The following AFAP1 variants were observed in gnomAD, a reference collection of about 807,000 sequenced individuals.
The protein encoded by AFAP1 is actin filament-associated protein 1.
In AFAP1, 75 loss-of-function variants were observed where a neutral mutation model predicts 93.9. The ratio of observed to expected loss-of-function variants is 0.80; its 90% CI spans 0.66 to 0.97. AFAP1 has a LOEUF of 0.97. AFAP1 is among the 50% of genes least tolerant of loss of function. The pLI, the probability that AFAP1 is intolerant of heterozygous loss-of-function variation, is 0.00. For missense variants in AFAP1, 1,201 were observed against 1,050.8 expected (o/e 1.14, Z -1.98); for synonymous variants, 517 against 430.7 (o/e 1.20, Z -2.48).
intron 6 of AFAP1, among the ~76,000 whole-genome samples, chr4:7,828,322 A>G (rs1042259410): frequency 2.0e-5 from 3 of 152,196 alleles, no homozygotes; most frequent in Non-Finnish European, 4.4e-5. Flanking sequence ...CTGATGAGAA[A>G]AGGAAAGCAG....
intron 6 of AFAP1, among the ~76,000 whole-genome samples, chr4:7,822,457 C>T (rs148963313): frequency 6.2e-4 from 95 of 152,244 alleles, no homozygotes; most frequent in African/African-American, 2.1e-3. Context: ...ATTATACAAA[C>T]GCACCTGACA....
At chr4:7,928,248 G>A (rs945810727) in intron 1 of AFAP1, among the ~76,000 whole-genome samples, 7 of 152,184 alleles carry the variant, frequency 4.6e-5, no homozygotes, top group Admixed American at 2.0e-4. Context: ...GAGAAAGCAG[G>A]TGCAAATTTC....
At chr4:7,856,708 G>A (rs1315169886) in intron 3 of AFAP1, among the ~76,000 whole-genome samples, 2 of 152,090 alleles carry the variant, frequency 1.3e-5, no homozygotes, top group Non-Finnish European at 2.9e-5. Flanking sequence ...TGTTCCTGAC[G>A]GCTCTAATCC....
chr4:7,839,931 A>G (rs145436831), intron 5 of AFAP1, among the ~76,000 whole-genome samples: 138 of 152,228 alleles, frequency 9.1e-4, no homozygotes, highest in Non-Finnish European at 1.2e-3. Flanking sequence ...AGTTATTGTT[A>G]TTATTATTTT....
At chr4:7,767,704 A>G (rs1714803079) in intron 17 of AFAP1, among the ~76,000 whole-genome samples, 1 of 152,128 alleles carries the variant, frequency 6.6e-6, no homozygotes, top group Non-Finnish European at 1.5e-5. Context: ...CACCCCAGAG[A>G]GCACAGCAGG....
intron 5 of AFAP1, among the ~76,000 whole-genome samples, chr4:7,840,371 T>C (rs1712870161): frequency 6.6e-6 from 1 of 151,950 alleles, no homozygotes. Context: ...TGAAGTTCAG[T>C]GGCACGATCT....
chr4:7,799,206 G>T, intron 10 of AFAP1: 1 of 489,036 alleles, frequency 2.0e-6, no homozygotes, highest in Non-Finnish European at 2.7e-6. Context: ...TCTGAGCCCA[G>T]CCCTCTCTGT....
chr4:7,786,436 ATAC>A (rs1256193872), intron 11 of AFAP1, 125 bp from the exon 12 acceptor site: 8 of 758,098 alleles, frequency 1.1e-5, no homozygotes, highest in African/African-American at 6.9e-5. Flanking sequence ...CAGAGAAGAA[ATAC>A]TAGACAGAAT....
At chr4:7,864,397 T>C (rs915974933) in intron 3 of AFAP1, among the ~76,000 whole-genome samples, 4 of 152,200 alleles carry the variant, frequency 2.6e-5, no homozygotes, top group African/African-American at 9.6e-5. Context: ...AATTCATCAA[T>C]AGCGAAACGG....
chr4:7,873,637 C>T (rs998812839), intron 1 of AFAP1, among the ~76,000 whole-genome samples: 2 of 152,020 alleles, frequency 1.3e-5, no homozygotes, highest in African/African-American at 4.8e-5. Context: ...CGTGAGCCAC[C>T]ACACCCGACC....
At chr4:7,863,468 G>A (rs1392811264) in intron 3 of AFAP1, among the ~76,000 whole-genome samples, 1 of 152,116 alleles carries the variant, frequency 6.6e-6, no homozygotes, top group South Asian at 2.1e-4. Context: ...TAAAAGCACA[G>A]CTCTTTCCAC....
intron 11 of AFAP1, among the ~76,000 whole-genome samples, chr4:7,792,236 A>C (rs531668861): frequency 2.4e-4 from 37 of 152,352 alleles, no homozygotes; most frequent in South Asian, 1.2e-3. Flanking sequence ...AAAGCAGATC[A>C]ATCGACTCAC....
At chr4:7,903,989 ATG>A (rs1276336673) in intron 1 of AFAP1, among the ~76,000 whole-genome samples, 1 of 151,818 alleles carries the variant, frequency 6.6e-6, no homozygotes, top group Non-Finnish European at 1.5e-5. Context: ...ATACAGGAAA[ATG>A]TGTGTGTTTA....
chr4:7,783,203 A>C (rs1716943068), intron 12 of AFAP1, among the ~76,000 whole-genome samples: 1 of 152,086 alleles, frequency 6.6e-6, no homozygotes, highest in African/African-American at 2.4e-5. Flanking sequence ...GCAGTGGCAC[A>C]ATCTCAGCTC....
At chr4:7,836,774 A>C (rs867725400) in intron 6 of AFAP1, among the ~76,000 whole-genome samples, 46 of 152,126 alleles carry the variant, frequency 3.0e-4, no homozygotes, top group African/African-American at 8.9e-4. Context: ...TGGAGCGACG[A>C]AATTCAGCAT....
At chr4:7,846,663 ACTC>A (rs1713738482) in intron 4 of AFAP1, among the ~76,000 whole-genome samples, 1 of 152,098 alleles carries the variant, frequency 6.6e-6, no homozygotes, top group Non-Finnish European at 1.5e-5. Flanking sequence ...TGTGAGCTCT[ACTC>A]TATGCCAGGC....
chr4:7,879,963 C>G (rs537437420), intron 1 of AFAP1, among the ~76,000 whole-genome samples: 1 of 152,200 alleles, frequency 6.6e-6, no homozygotes, highest in Non-Finnish European at 1.5e-5. Flanking sequence ...CGCCGCCCAG[C>G]CTTTCTGCTT....
At chr4:7,906,471 G>A (rs566046232) in intron 1 of AFAP1, among the ~76,000 whole-genome samples, 33 of 152,250 alleles carry the variant, frequency 2.2e-4, no homozygotes, top group Admixed American at 9.8e-4. Context: ...CCCCTATTCC[G>A]GAGAAAAATA....
chr4:7,839,196 C>T (rs1390686665), intron 5 of AFAP1, among the ~76,000 whole-genome samples: 1 of 151,992 alleles, frequency 6.6e-6, no homozygotes, highest in East Asian at 1.9e-4. Context: ...ATTAGCCAGG[C>T]ATGGTGGCGT....
Sources: allele counts gnomAD v4.1 joint callset (sites outside exome capture counted in the v4.1 genomes callset), GRCh38; gene constraint gnomAD v4.1.1; transcripts MANE v1.5; gene names NCBI Gene and HGNC (gene_info 2026-07-23, HGNC 2026-07-21).